Variants in FRAS1 observed in about 807,000 individuals in gnomAD.
FRAS1 encodes Fraser extracellular matrix complex subunit 1, also known as extracellular matrix organizing protein FRAS1.
A neutral mutation model predicts 435.2 loss-of-function variants in FRAS1; 290 were observed. The observed-to-expected ratio is 0.67, with a 90% CI of 0.61 to 0.73. The LOEUF is 0.73. Ranked by LOEUF, FRAS1 falls within the 30% of genes least tolerant of loss-of-function variation. The pLI, the probability that FRAS1 is intolerant of heterozygous loss-of-function variation, is 0.00. For synonymous variants in FRAS1, 1,800 were observed against 1,851.0 expected (o/e 0.97, Z 0.71); for missense variants, 4,860 against 5,001.5 (o/e 0.97, Z 0.85).
At chr4:78,363,810 T>A in intron 21 of FRAS1, 98 bp from the exon 22 acceptor site, 7 of 1,452,220 alleles carry the variant, frequency 4.8e-6, no homozygotes, top group Middle Eastern at 2.0e-4. Flanking sequence ...GACTTGCCAA[T>A]GTTCTCAGTG....
intron 2 of FRAS1, among the ~76,000 whole-genome samples, chr4:78,102,424 C>T (rs1400718429): frequency 6.6e-6 from 1 of 152,128 alleles, no homozygotes; most frequent in African/African-American, 2.4e-5. Context: ...AATGAATGAA[C>T]TCTAAGTACC....
At chr4:78,307,580 G>A (rs1024393334) in intron 14 of FRAS1, among the ~76,000 whole-genome samples, 1 of 152,222 alleles carries the variant, frequency 6.6e-6, no homozygotes, top group Non-Finnish European at 1.5e-5. Context: ...TAAGCCCGTC[G>A]GAAAAGCGCA....
intron 2 of FRAS1, among the ~76,000 whole-genome samples, chr4:78,159,685 A>C (rs1261650988): frequency 1.3e-5 from 2 of 152,168 alleles, no homozygotes; most frequent in Non-Finnish European, 2.9e-5. Flanking sequence ...ATTCGAGACC[A>C]GCCTGGCCAA....
intron 29 of FRAS1, among the ~76,000 whole-genome samples, chr4:78,395,705 T>C (rs563047095): frequency 6.6e-6 from 1 of 152,176 alleles, no homozygotes; most frequent in African/African-American, 2.4e-5. Context: ...ATTTGCATGG[T>C]ATATATTTTT....
In FRAS1 at chr4:78,489,090, T is replaced by C. The variant is rs1191572452; in HGVS notation, c.8958+10T>C. 2 of 1,605,706 alleles carry C rather than the reference T, an allele frequency of 1.2e-6. No individual in the cohort carries two copies. The highest frequency in any genetic ancestry group is 1.7e-5 in the Admixed American group (1 of 59,842). ...TCTCAAAGGGGACAAAGTAAGTGGA[T>C]TGGTGGTGGCTGAAAGATGAGATTC... On this transcript the variant is annotated intron_variant, in intron 59 of 73. Coordinates refer to ENST00000512123, the MANE Select transcript of FRAS1 (RefSeq NM_025074.7).
intron 19 of FRAS1, among the ~76,000 whole-genome samples, chr4:78,335,281 T>C (rs951862450): frequency 3.3e-5 from 5 of 152,226 alleles, no homozygotes; most frequent in Admixed American, 2.6e-4. Flanking sequence ...GGGCTCTTCA[T>C]TGACGTCTGT....
intron 18 of FRAS1, among the ~76,000 whole-genome samples, chr4:78,323,488 A>G (rs2110244269): frequency 6.6e-6 from 1 of 152,336 alleles, no homozygotes; most frequent in South Asian, 2.1e-4. Context: ...ATTAATAAAA[A>G]CCTGCATCCC....
At position 78,441,215 on chromosome 4, in the gene FRAS1, T is replaced by C. The variant is rs1315689653; in HGVS notation, c.5583T>C (p.Asp1861=). 6.2e-7 allele frequency: 1 copy of C among 1,613,894 alleles called. No individual in the cohort carries two copies. The highest frequency in any genetic ancestry group is 8.5e-7 in the Non-Finnish European group (1 of 1,179,786). Residue 1861 remains aspartate (D), a synonymous_variant, in exon 41 of 74, where the codon GAT becomes GAC. Coordinates refer to ENST00000512123, the MANE Select transcript of FRAS1 (RefSeq NM_025074.7). ...CATTTCACCATTTTTTTGCTACTGATGATGATGACAACCTCCAGAGAGATG... is the reference window on the plus strand; with the variant it reads ...CATTTCACCATTTTTTTGCTACTGACGATGATGACAACCTCCAGAGAGATG... The part of the protein sequence containing the change: ...PLSFHHFFAT[D]DDDNLQRDAI...
rs189428369 is a variant in FRAS1, at chr4:78,252,914, C to A, written c.469+363C>A. Among the ~76,000 whole-genome samples the A allele has an allele frequency of 2.7e-3, 414 of 152,266 alleles. 1 individual carries two copies. The highest frequency in any genetic ancestry group is 9.8e-3 in the African/African-American group (406 of 41,568). Reference sequence around the variant, plus strand: ...ATTACTGATGAGGGTCTGTGTCCCGCTGTGCACGTATTGTCTTGATAAACA... The same window carrying A: ...ATTACTGATGAGGGTCTGTGTCCCGATGTGCACGTATTGTCTTGATAAACA... On this transcript the variant is annotated intron_variant, in intron 5 of 73. Coordinates refer to ENST00000512123, the MANE Select transcript of FRAS1 (RefSeq NM_025074.7).
rs200126820 is a variant in FRAS1 at position 78,453,451 on chromosome 4, AC to A, written c.6763+1099del. Among the ~76,000 whole-genome samples the A allele has an allele frequency of 7.0e-3, 1,066 of 152,232 alleles. 14 individuals are homozygous for A. The highest frequency in any genetic ancestry group is 0.024 in the African/African-American group (1,011 of 41,528). On this transcript the variant is annotated intron_variant, in intron 47 of 73. Transcript: ENST00000512123. ...AGAAAGGAAGGAATTTCAGGGGAGA[AC>A]CTACACAAGCTGGGAGCTGAAGGGA...
chr4:78,415,642 T>C (rs1733524953), intron 32 of FRAS1, among the ~76,000 whole-genome samples: 1 of 152,180 alleles, frequency 6.6e-6, no homozygotes, highest in African/African-American at 2.4e-5. Context: ...CATTACAGGT[T>C]GTTCAGTTGG....
In FRAS1 at chr4:78,230,351, G is replaced by A. The variant is rs184717919; in HGVS notation, c.109-7159G>A. 9.2e-5 allele frequency among the ~76,000 whole-genome samples: 14 copies of A among 152,342 alleles called. No individual in the cohort carries two copies. The East Asian group carries it at 2.1e-3, about 23-fold the overall frequency. ...TCCTCCTGAAAGGAGATAATTTAAT[G>A]TAAATACAAAGTCTCACATCTTTTC... On this transcript the variant is annotated intron_variant, in intron 2 of 73. Coordinates refer to ENST00000512123, the MANE Select transcript of FRAS1 (RefSeq NM_025074.7).
intron 14 of FRAS1, among the ~76,000 whole-genome samples, chr4:78,304,341 G>A (rs1049058803): frequency 6.6e-6 from 1 of 152,158 alleles, no homozygotes; most frequent in African/African-American, 2.4e-5. Flanking sequence ...TCTCTGCCAG[G>A]CTTTAGTATC....
chr4:78,475,082 T>C (rs1032704829), intron 53 of FRAS1, among the ~76,000 whole-genome samples: 1 of 152,316 alleles, frequency 6.6e-6, no homozygotes, highest in Admixed American at 6.5e-5. Context: ...AAGAACCCAC[T>C]GACCTATTGT....
chr4:78,521,814 A>T (rs1044254802), intron 68 of FRAS1, among the ~76,000 whole-genome samples, 184 bp downstream of exon 68: 3 of 152,222 alleles, frequency 2.0e-5, no homozygotes, highest in African/African-American at 7.2e-5. Context: ...AACAAGTTGC[A>T]GACTTCGTGT....
rs1720938521 is a variant in FRAS1, at chr4:78,508,919, A to G, written c.9693A>G (p.Glu3231=). 6.2e-7 allele frequency: 1 copy of G among 1,613,836 alleles called. No homozygotes were observed. The highest frequency in any genetic ancestry group is 8.5e-7 in the Non-Finnish European group (1 of 1,179,892). Residue 3231 remains glutamate (E), a synonymous_variant, in exon 63 of 74, where the codon GAA becomes GAG. Transcript: ENST00000512123. ...AGACATCTGTGCAGTTCAGCTGGGAAGTGGCTGCCCCCACTGATGGCAATG... is the reference window on the plus strand; with the variant it reads ...AGACATCTGTGCAGTTCAGCTGGGAGGTGGCTGCCCCCACTGATGGCAATG... ...INQTSVQFSW[E]VAAPTDGNGA...
At chr4:78,264,870 A>G (rs1726273374) in intron 6 of FRAS1, 155 bp from the exon 7 acceptor site, 1 of 696,016 alleles carries the variant, frequency 1.4e-6, no homozygotes, top group East Asian at 2.7e-5. Context: ...CATTCTTATC[A>G]GAGTCCCAGG....
At chr4:78,211,567 G>A (rs1287963529) in intron 2 of FRAS1, among the ~76,000 whole-genome samples, 1 of 152,152 alleles carries the variant, frequency 6.6e-6, no homozygotes, top group Non-Finnish European at 1.5e-5. Context: ...CCTTCCAAGG[G>A]CTCTTCACCT....
chr4:78,540,825 A>C lies in FRAS1; in HGVS notation c.11740A>C (p.Met3914Leu), dbSNP rs376940358. The change falls in exon 74 of 74, where the codon ATG (methionine) becomes CTG (leucine). Residue 3914 changes from methionine (M) to leucine (L), a missense_variant. By Grantham distance (15) the Met-to-Leu change is conservative. Transcript: ENST00000512123. ...ASIGSALAAI[M>L]LLLLVFLVAC... ...CATTGGCAGTGCCCTGGCTGCAATC[A>C]TGCTTCTACTTCTGGTGTTTTTGGT... The C allele has an allele frequency of 5.0e-6, 8 of 1,613,866 alleles. No individual in the cohort carries two copies. The South Asian group carries it at 8.8e-5, about 18-fold the overall frequency.
Sources: allele counts gnomAD v4.1 joint callset (sites outside exome capture counted in the v4.1 genomes callset), GRCh38; gene constraint gnomAD v4.1.1; transcripts MANE v1.5; gene names NCBI Gene and HGNC (gene_info 2026-07-23, HGNC 2026-07-21).